APBB2: variants seen among roughly 807,000 people sequenced by gnomAD.
APBB2 encodes Fe65-like 1.
A neutral mutation model predicts 82.5 loss-of-function variants in APBB2; 38 were observed. The ratio of observed to expected loss-of-function variants is 0.46; its 90% CI spans 0.36 to 0.60. The LOEUF (loss-of-function observed/expected upper bound fraction) is 0.60, where lower values mean the gene tolerates loss of function less well. Among genes scored for constraint, APBB2 ranks in the 20% least tolerant of loss-of-function variants. The pLI is 0.00. For synonymous variants in APBB2, 341 were observed against 368.2 expected (o/e 0.93, Z 0.85); for missense variants, 772 against 972.3 (o/e 0.79, Z 2.74).
At chr4:40,861,333 G>A (rs1578042260) in intron 12 of APBB2, among the ~76,000 whole-genome samples, 1 of 151,194 alleles carries the variant, frequency 6.6e-6, no homozygotes, top group Non-Finnish European at 1.5e-5. Context: ...CTGGGTAACA[G>A]AATGAGACTC....
chr4:41,189,916 C>T (rs62410024), intron 1 of APBB2, among the ~76,000 whole-genome samples: 5,320 of 152,262 alleles, frequency 0.035, 161 homozygotes, highest in African/African-American at 0.085. Flanking sequence ...AGCACCTGCA[C>T]GTTGCCTCAG....
At chr4:41,041,523 A>G (rs1020588353) in intron 4 of APBB2, among the ~76,000 whole-genome samples, 1 of 152,222 alleles carries the variant, frequency 6.6e-6, no homozygotes, top group African/African-American at 2.4e-5. Flanking sequence ...TTTTTTTGCC[A>G]TTCACATAGC....
intron 10 of APBB2, among the ~76,000 whole-genome samples, chr4:40,931,813 A>G (rs1168896389): frequency 6.8e-6 from 1 of 147,782 alleles, no homozygotes; most frequent in Admixed American, 6.7e-5. Context: ...TTTTTTTTTT[A>G]AAGTGTTTGT....
At chr4:41,043,192 T>C (rs1450998682) in intron 4 of APBB2, among the ~76,000 whole-genome samples, 1 of 152,100 alleles carries the variant, frequency 6.6e-6, no homozygotes. Flanking sequence ...TAGGTATTTA[T>C]CATAAGGACA....
intron 4 of APBB2, among the ~76,000 whole-genome samples, chr4:41,053,984 A>G (rs1419897462): frequency 6.6e-6 from 1 of 152,200 alleles, no homozygotes; most frequent in African/African-American, 2.4e-5. Context: ...TATCTGCTTA[A>G]TTTAACAGTC....
chr4:41,099,128 TA>T (rs1202191927), intron 3 of APBB2, among the ~76,000 whole-genome samples: 1 of 152,230 alleles, frequency 6.6e-6, no homozygotes, highest in Non-Finnish European at 1.5e-5. Flanking sequence ...AACTAATTCA[TA>T]TTTTAGCAGA....
chr4:41,019,251 G>A (rs1170693215), intron 5 of APBB2, among the ~76,000 whole-genome samples: 1 of 152,122 alleles, frequency 6.6e-6, no homozygotes, highest in African/African-American at 2.4e-5. Context: ...TGTAAAAGCA[G>A]AAGCCAATAA....
rs1744862451 is a variant in APBB2, at chr4:40,813,557, T to G, written c.*2535A>C. The G allele has an allele frequency of 6.6e-6, 1 of 152,246 alleles. No individual in the cohort carries two copies. The highest frequency in any genetic ancestry group is 1.5e-5 in the Non-Finnish European group (1 of 68,040). The allele number at this position is 152,246 out of a possible 1,614,324, so 9.4% of individuals were successfully genotyped here. ...TTTAACATAATTTTACAAAATTAATTTGCATTTACTATACAATGCCATTTT... is the reference window on the plus strand; with the variant it reads ...TTTAACATAATTTTACAAAATTAATGTGCATTTACTATACAATGCCATTTT... On this transcript the variant is annotated 3_prime_UTR_variant, in exon 18 of 18. Transcript: ENST00000508593.
At chr4:41,102,248 C>G (rs1580051897) in intron 2 of APBB2, among the ~76,000 whole-genome samples, 1 of 152,162 alleles carries the variant, frequency 6.6e-6, no homozygotes, top group Non-Finnish European at 1.5e-5. Context: ...AACTAAAAAT[C>G]AGACAGAACC....
At chr4:40,968,061 C>G (rs568369005) in intron 6 of APBB2, among the ~76,000 whole-genome samples, 180 of 152,322 alleles carry the variant, frequency 1.2e-3, no homozygotes, top group African/African-American at 4.0e-3. Flanking sequence ...GCCACACTAA[C>G]ATTTACTGAA....
intron 1 of APBB2, among the ~76,000 whole-genome samples, chr4:41,176,379 G>C (rs945409106): frequency 2.0e-5 from 3 of 151,774 alleles, no homozygotes; most frequent in African/African-American, 7.3e-5. Flanking sequence ...TTTTTTAGCA[G>C]TTTACAGCAT....
intron 2 of APBB2, among the ~76,000 whole-genome samples, chr4:41,132,237 T>C (rs539130439): frequency 7.2e-5 from 11 of 152,188 alleles, no homozygotes; most frequent in African/African-American, 2.6e-4. Context: ...AATCACGTCA[T>C]AGAAAAATGA....
chr4:41,186,903 C>T (rs898060474), intron 1 of APBB2, among the ~76,000 whole-genome samples: 1 of 152,168 alleles, frequency 6.6e-6, no homozygotes, highest in African/African-American at 2.4e-5. Context: ...CAAATCCATG[C>T]ATTTGACTGT....
intron 10 of APBB2, among the ~76,000 whole-genome samples, chr4:40,929,746 G>T (rs1435399423): frequency 2.0e-5 from 3 of 152,204 alleles, no homozygotes; most frequent in Non-Finnish European, 4.4e-5. Context: ...ATATGCTGCT[G>T]CAGGCTTTCT....
At chr4:41,200,905 TACTGA>T (rs1432467419) in intron 1 of APBB2, among the ~76,000 whole-genome samples, 2 of 152,334 alleles carry the variant, frequency 1.3e-5, no homozygotes, top group Non-Finnish European at 2.9e-5. Context: ...TATTCACATA[TACTGA>T]GTGCTTTCTC....
intron 6 of APBB2, among the ~76,000 whole-genome samples, chr4:40,973,922 G>A (rs1796544625): frequency 1.3e-5 from 2 of 151,368 alleles, no homozygotes; most frequent in African/African-American, 2.4e-5. Flanking sequence ...CGCGATCTCG[G>A]CTCACTGCAA....
At chr4:41,117,097 C>T (rs530437104) in intron 2 of APBB2, among the ~76,000 whole-genome samples, 18 of 152,082 alleles carry the variant, frequency 1.2e-4, no homozygotes, top group Admixed American at 9.8e-4. Context: ...TTTAGGCGAT[C>T]CCCTCTTTTC....
rs774759883 is a variant in APBB2 at position 41,013,758 on chromosome 4, G to A, written c.660C>T (p.Asp220=). 75 of 1,614,088 alleles carry A rather than the reference G, an allele frequency of 4.6e-5. No homozygotes were observed. The highest frequency in any genetic ancestry group is 4.3e-4 in the Admixed American group (26 of 60,010). The change falls in exon 6 of 18, where the codon GAC becomes GAT. Residue 220 remains aspartate, a synonymous_variant. Coordinates refer to ENST00000508593, the MANE Select transcript of APBB2 (RefSeq NM_004307.2). ...TGGATGACACTGTGGCTACTTGGCC[G>A]TCTTCAGGGCTGGACTGGGGTCTGT... is the stretch of plus-strand genomic sequence containing the variant. ...KPNRPQSSPE[D]GQVATVSSSP...
At position 40,815,863 on chromosome 4, in the gene APBB2, C is replaced by T. The variant is rs1745462515; in HGVS notation, c.*229G>A. The T allele has an allele frequency of 4.0e-6, 2 of 497,800 alleles. No homozygotes were observed. The highest frequency in any genetic ancestry group is 7.2e-6 in the Non-Finnish European group (2 of 277,712). 30.8% of individuals were successfully genotyped at this position (497,800 alleles called of 1,614,324 possible). On this transcript the variant is annotated 3_prime_UTR_variant, in exon 18 of 18. Coordinates refer to ENST00000508593, the MANE Select transcript of APBB2 (RefSeq NM_004307.2). ...TATTTACAATAAGAAAAAGACCTTC[C>T]ACTGCGCATGATGTAACTTACAGCA...
Sources: allele counts gnomAD v4.1 joint callset (sites outside exome capture counted in the v4.1 genomes callset), GRCh38; gene constraint gnomAD v4.1.1; transcripts MANE v1.5; gene names NCBI Gene and HGNC (gene_info 2026-07-23, HGNC 2026-07-21).